Variants in DST observed in about 807,000 individuals in gnomAD.
DST encodes dystonin, also known as bullous pemphigoid antigen.
A neutral mutation model predicts 875.2 loss-of-function variants in DST; 253 were observed. The ratio of observed to expected loss-of-function variants is 0.29; its 90% CI spans 0.26 to 0.32. DST has a LOEUF of 0.32. Among genes scored for constraint, DST ranks in the 10% least tolerant of loss-of-function variants. DST has a pLI of 1.00. For missense variants in DST, 8,287 were observed against 9,111.6 expected (o/e 0.91, Z 3.68); for synonymous variants, 3,124 against 3,197.1 (o/e 0.98, Z 0.77).
intron 10 of DST, among the ~76,000 whole-genome samples, chr6:56,670,133 CGTGT>C (rs70989723): frequency 0.36 from 53,024 of 146,132 alleles, 10,297 homozygotes; most frequent in Middle Eastern, 0.46. Context: ...AGCGCCCGTG[CGTGT>C]GTGTGTGTGT....
rs759887908 is a variant in DST at position 56,605,601 on chromosome 6, A to G, written c.9027T>C (p.Ala3009=). The G allele has an allele frequency of 6.2e-7, 1 of 1,613,090 alleles. No individual in the cohort carries two copies. The highest frequency in any genetic ancestry group is 1.3e-5 in the African/African-American group (1 of 74,974). ...CTATCAATGACAAATGGCTTTCCTC[A>G]GCAGGTTTTCCTATTAAATCAGGCT... ...CTEPDLIGKP[A]EESHLSLIAS... is the part of the protein sequence containing the mutation. Residue 3009 remains alanine (A), a synonymous_variant, in exon 40 of 104, where the codon GCT becomes GCC. Transcript: ENST00000680361.
At chr6:56,617,253 G>C (rs1196962105) in intron 36 of DST, 1 of 1,609,414 alleles carries the variant, frequency 6.2e-7, no homozygotes, top group Non-Finnish European at 8.5e-7. Flanking sequence ...TCAAAGTTCT[G>C]GAAGGTCTCT....
chr6:56,925,590 C>G (rs1014105133), intron 2 of DST, among the ~76,000 whole-genome samples: 2 of 152,074 alleles, frequency 1.3e-5, no homozygotes, highest in Non-Finnish European at 2.9e-5. Context: ...TAAAGCAGTT[C>G]CAAAGAATTC....
At chr6:56,612,265 G>A (rs562940507) in intron 37 of DST, among the ~76,000 whole-genome samples, 3 of 152,270 alleles carry the variant, frequency 2.0e-5, no homozygotes, top group Admixed American at 6.5e-5. Flanking sequence ...CAAGCTACTC[G>A]GGAGGCTGAG....
chr6:56,520,789 A>G (rs2096682326), intron 69 of DST, among the ~76,000 whole-genome samples: 1 of 152,076 alleles, frequency 6.6e-6, no homozygotes, highest in African/African-American at 2.4e-5. Flanking sequence ...CTCACCTATC[A>G]GTTCCTATTT....
chr6:56,686,578 T>G (rs1329065904), intron 9 of DST, among the ~76,000 whole-genome samples: 2 of 152,196 alleles, frequency 1.3e-5, no homozygotes, highest in Non-Finnish European at 2.9e-5. Flanking sequence ...TTAAGCTAAC[T>G]ATGGAATTTG....
intron 37 of DST, 94 bp from the exon 38 acceptor site, chr6:56,611,690 G>C: frequency 2.3e-6 from 2 of 866,948 alleles, no homozygotes; most frequent in Non-Finnish European, 3.6e-6. Context: ...CTTTAGTCAA[G>C]ACCCAAGTCT....
chr6:56,779,080 C>A (rs1450505907), intron 4 of DST, among the ~76,000 whole-genome samples: 1 of 152,126 alleles, frequency 6.6e-6, no homozygotes, highest in Admixed American at 6.5e-5. Flanking sequence ...ACCATTCTAA[C>A]TGGTGTGAGA....
At chr6:56,825,336 C>T (rs2099779003) in intron 4 of DST, among the ~76,000 whole-genome samples, 1 of 148,084 alleles carries the variant, frequency 6.8e-6, no homozygotes. Flanking sequence ...TCCCTAATCT[C>T]AAGTACCCAG....
intron 88 of DST, chr6:56,484,703 T>C (rs2095505569): frequency 6.6e-6 from 1 of 152,326 alleles, no homozygotes; most frequent in Non-Finnish European, 1.5e-5. Flanking sequence ...ACACCTTGAA[T>C]ATTACCTTTG....
At chr6:56,814,086 A>C (rs1172804014) in intron 4 of DST, among the ~76,000 whole-genome samples, 1 of 152,202 alleles carries the variant, frequency 6.6e-6, no homozygotes, top group Non-Finnish European at 1.5e-5. Context: ...TCAAAGAGAA[A>C]ATAAAAACAA....
chr6:56,667,645 G>A (rs1160401300), intron 10 of DST, among the ~76,000 whole-genome samples: 1 of 152,088 alleles, frequency 6.6e-6, no homozygotes, highest in East Asian at 1.9e-4. Flanking sequence ...GCTAAACATT[G>A]TTCTAAAAAG....
chr6:56,636,428 A>C, intron 23 of DST, 129 bp downstream of exon 23: 1 of 684,088 alleles, frequency 1.5e-6, no homozygotes, highest in Non-Finnish European at 2.6e-6. Context: ...ATATATGTGT[A>C]TATATATATG....
At chr6:56,588,164 C>T (rs1248601344) in intron 49 of DST, among the ~76,000 whole-genome samples, 1 of 152,138 alleles carries the variant, frequency 6.6e-6, no homozygotes, top group Non-Finnish European at 1.5e-5. Context: ...TAGTAGTCTC[C>T]CTTGACAAAA....
At chr6:56,634,732 A>G (rs1310236012) in intron 25 of DST, 69 bp downstream of exon 25, 7 of 1,598,828 alleles carry the variant, frequency 4.4e-6, no homozygotes, top group Non-Finnish European at 6.0e-6. Context: ...ACTAGTTAGC[A>G]ATATGATCTC....
intron 2 of DST, among the ~76,000 whole-genome samples, chr6:56,952,230 G>A (rs552198341): frequency 1.3e-5 from 2 of 152,272 alleles, no homozygotes; most frequent in South Asian, 4.2e-4. Flanking sequence ...ATATTCAACT[G>A]AGAGATAATT....
chr6:56,497,412 C>G lies in DST; in HGVS notation c.20190G>C (p.Pro6730=). 1.2e-6 allele frequency: 2 copies of G among 1,613,078 alleles called. No individual in the cohort carries two copies. Among genetic ancestry groups the G allele is most frequent in the African/African-American group, 1.3e-5 (1 of 74,960 alleles). ...LLASKPLGGL[P]ETAKEQLNVH... is the part of the protein sequence containing the mutation. Reference sequence around the variant, plus strand: ...CATTAAGCTGCTCCTTGGCTGTTTCCGGTAAACCTCCCAGCGGTTTAGATG... The same window carrying G: ...CATTAAGCTGCTCCTTGGCTGTTTCGGGTAAACCTCCCAGCGGTTTAGATG... The change falls in exon 82 of 104, where the codon CCG becomes CCC. Residue 6730 remains proline (P), a synonymous_variant. Transcript: ENST00000680361.
chr6:56,555,287 A>G (rs1397820274), intron 60 of DST, 58 bp downstream of exon 60: 2 of 1,503,696 alleles, frequency 1.3e-6, no homozygotes, highest in East Asian at 4.5e-5. Flanking sequence ...TCTTGGAAAT[A>G]GGCAATATAT....
intron 103 of DST, among the ~76,000 whole-genome samples, chr6:56,459,508 T>C (rs1389018894): frequency 1.3e-5 from 2 of 152,200 alleles, no homozygotes; most frequent in Non-Finnish European, 1.5e-5. Flanking sequence ...CTTCCCCTAC[T>C]TAAAACAGGA....
Sources: allele counts gnomAD v4.1 joint callset (sites outside exome capture counted in the v4.1 genomes callset), GRCh38; gene constraint gnomAD v4.1.1; transcripts MANE v1.5; gene names NCBI Gene and HGNC (gene_info 2026-07-23, HGNC 2026-07-21).